Variants in KIF26B observed in about 807,000 individuals in gnomAD.
The protein encoded by KIF26B is kinesin-like protein KIF26B.
Under a neutral mutation model 151.2 loss-of-function variants are expected in KIF26B, and 63 were observed. The observed-to-expected ratio is 0.42, with a 90% CI of 0.34 to 0.51. The LOEUF is 0.51. Ranked by LOEUF, KIF26B falls within the 20% of genes least tolerant of loss-of-function variation. The pLI is 0.07. For synonymous variants in KIF26B, 1,357 were observed against 1,262.1 expected (o/e 1.08, Z -1.59); for missense variants, 2,813 against 2,913.6 (o/e 0.97, Z 0.79).
intron 4 of KIF26B, among the ~76,000 whole-genome samples, chr1:245,474,568 T>C (rs1202170092): frequency 6.6e-6 from 1 of 151,356 alleles, no homozygotes; most frequent in Non-Finnish European, 1.5e-5. Context: ...TGCGCCATCA[T>C]GCCTGGCTTA....
intron 2 of KIF26B, among the ~76,000 whole-genome samples, chr1:245,334,859 CA>C (rs1274803505): frequency 6.6e-6 from 1 of 152,118 alleles, no homozygotes; most frequent in Non-Finnish European, 1.5e-5. Flanking sequence ...ACTGCCGTTC[CA>C]TTTTCATAGA....
At position 245,704,222 on chromosome 1, in the gene KIF26B, A is replaced by ATATC. The variant is rs1340545184; in HGVS notation, c.*1618_*1621dup. On this transcript the variant is annotated 3_prime_UTR_variant, in exon 15 of 15. Coordinates refer to ENST00000407071, the MANE Select transcript of KIF26B (RefSeq NM_018012.4). ...CTTCCCTTTTGCCCTCAAATGCAGC[A>ATATC]TATCTTCATGAGCCTATTTATTTCC... 4 of 152,260 alleles carry ATATC rather than the reference A, an allele frequency of 2.6e-5. No individual in the cohort carries two copies. Among genetic ancestry groups the ATATC allele is most frequent in the Non-Finnish European group, 5.9e-5 (4 of 68,058 alleles). 9.4% of individuals were successfully genotyped at this position (152,260 alleles called of 1,614,324 possible). A position where few individuals can be genotyped will look rare whatever the true frequency, so the allele number is the denominator to read the frequency against.
chr1:245,634,390 A>G (rs115316936), intron 9 of KIF26B, among the ~76,000 whole-genome samples: 2,541 of 152,326 alleles, frequency 0.017, 31 homozygotes, highest in South Asian at 0.051. Flanking sequence ...GAGAGTGGAC[A>G]TGCTTGTCTT....
intron 2 of KIF26B, among the ~76,000 whole-genome samples, chr1:245,169,330 T>TGG (rs749974922): frequency 6.3e-5 from 9 of 142,332 alleles, no homozygotes; most frequent in African/African-American, 2.6e-4. Context: ...CGGGCCATGG[T>TGG]GTGTGTGTGT....
chr1:245,307,432 GCCCCTAA>G (rs542158444), intron 2 of KIF26B, among the ~76,000 whole-genome samples: 1 of 152,092 alleles, frequency 6.6e-6, no homozygotes, highest in South Asian at 2.1e-4. Flanking sequence ...TGGGTGATAA[GCCCCTAA>G]TATCTATTCA....
chr1:245,389,746 A>G (rs1572037726), intron 3 of KIF26B, among the ~76,000 whole-genome samples: 1 of 152,184 alleles, frequency 6.6e-6, no homozygotes, highest in African/African-American at 2.4e-5. Flanking sequence ...TAAATGGTAC[A>G]TGCGCATAAT....
intron 2 of KIF26B, among the ~76,000 whole-genome samples, chr1:245,230,000 G>C (rs2103554079): frequency 6.6e-6 from 1 of 152,226 alleles, no homozygotes; most frequent in South Asian, 2.1e-4. Context: ...GGGCGTGGCG[G>C]CACATGCCTG....
intron 5 of KIF26B, among the ~76,000 whole-genome samples, chr1:245,591,015 A>T (rs1443049663): frequency 6.6e-6 from 1 of 152,066 alleles, no homozygotes. Context: ...GGTCTCCTGA[A>T]CTCCTAGGTC....
intron 10 of KIF26B, among the ~76,000 whole-genome samples, chr1:245,664,274 G>T (rs922586830): frequency 1.1e-4 from 16 of 151,214 alleles, no homozygotes; most frequent in Non-Finnish European, 4.4e-5. Flanking sequence ...CAGGAGAATC[G>T]CTTGAACCCG....
chr1:245,636,860 T>TTGTGTGTGTGTGTGTGTG (rs34722448), intron 9 of KIF26B, among the ~76,000 whole-genome samples: 1 of 149,196 alleles, frequency 6.7e-6, no homozygotes, highest in African/African-American at 2.5e-5. Context: ...TAATATTCCA[T>TTGTGTGTGTGTGTGTGTG]TGTGTGTGTG....
intron 2 of KIF26B, among the ~76,000 whole-genome samples, chr1:245,326,289 G>A (rs779514416): frequency 5.3e-5 from 8 of 152,144 alleles, no homozygotes; most frequent in Non-Finnish European, 1.0e-4. Context: ...AAAACAAGCC[G>A]TTAGAATATT....
At position 245,168,643 on chromosome 1, in the gene KIF26B, C is replaced by T. The variant is rs75023324; in HGVS notation, c.465+11960C>T. 4.6e-5 allele frequency among the ~76,000 whole-genome samples: 7 copies of T among 152,358 alleles called. No homozygotes were observed. In the East Asian group the frequency reaches 5.8e-4, roughly 13 times the overall value. On this transcript the variant is annotated intron_variant, in intron 2 of 14. Coordinates refer to ENST00000407071, the MANE Select transcript of KIF26B (RefSeq NM_018012.4). ...TATAGGAACACCAGAACTCTATAAA[C>T]ATTTTATTCATCATTCTTCATCTGA...
chr1:245,155,074 G>C lies in KIF26B; in HGVS notation c.-351G>C, dbSNP rs567948519. ...CCGGCAGCGGCCGCGAGCCCTGATT[G>C]TATCCCTCGCTTTCCTCGTGGGGGA... On this transcript the variant is annotated 5_prime_UTR_variant, in exon 1 of 15. Transcript: ENST00000407071. 8.3e-6 allele frequency: 4 copies of C among 479,818 alleles called. No homozygotes were observed. The Admixed American group carries it at 1.7e-4, about 20-fold the overall frequency. 29.7% of individuals were successfully genotyped at this position (479,818 alleles called of 1,614,324 possible).
intron 2 of KIF26B, among the ~76,000 whole-genome samples, chr1:245,185,056 T>A (rs547587420): frequency 2.6e-5 from 4 of 152,326 alleles, no homozygotes; most frequent in African/African-American, 9.6e-5. Context: ...TTTTTATTGC[T>A]TCTCTGGGAT....
At chr1:245,396,004 C>T (rs932275751) in intron 3 of KIF26B, among the ~76,000 whole-genome samples, 7 of 152,200 alleles carry the variant, frequency 4.6e-5, no homozygotes, top group Non-Finnish European at 8.8e-5. Flanking sequence ...TCTGCTCTCC[C>T]AAAACCATGT....
intron 3 of KIF26B, among the ~76,000 whole-genome samples, chr1:245,381,462 C>A (rs1178994184): frequency 6.6e-6 from 1 of 152,160 alleles, no homozygotes; most frequent in Non-Finnish European, 1.5e-5. Context: ...CGTAAATTTT[C>A]TTAAAACATT....
intron 9 of KIF26B, among the ~76,000 whole-genome samples, chr1:245,627,135 T>C (rs1447489940): frequency 6.6e-6 from 1 of 152,198 alleles, no homozygotes; most frequent in Non-Finnish European, 1.5e-5. Flanking sequence ...TTACAGTAGC[T>C]TCCTAGTAGT....
At position 245,474,202 on chromosome 1, in the gene KIF26B, G is replaced by A. The variant is rs1372167028; in HGVS notation, c.1166+54457G>A. On this transcript the variant is annotated intron_variant, in intron 4 of 14. Transcript: ENST00000407071. ...CAGCTCACTGCAACCTCTGCCTCCC[G>A]GGTTCAAGTCATTCTCCTGCCTCAG... Among the ~76,000 whole-genome samples, 42 of 145,432 alleles carry A rather than the reference G, an allele frequency of 2.9e-4. 1 individual carries two copies. Among genetic ancestry groups the A allele is most frequent in the African/African-American group, 6.6e-4 (26 of 39,676 alleles).
chr1:245,511,060 G>A (rs376859209), intron 4 of KIF26B: 127 of 715,308 alleles, frequency 1.8e-4, no homozygotes, highest in South Asian at 1.0e-3. Flanking sequence ...ATTAGCAGAC[G>A]TGAAGAAATG....
Sources: allele counts gnomAD v4.1 joint callset (sites outside exome capture counted in the v4.1 genomes callset), GRCh38; gene constraint gnomAD v4.1.1; transcripts MANE v1.5; gene names NCBI Gene and HGNC (gene_info 2026-07-23, HGNC 2026-07-21).